The following TTC7B variants were observed in gnomAD, a reference collection of about 807,000 sequenced individuals.
TTC7B encodes tetratricopeptide repeat protein 7B.
TTC7B carries 28 observed loss-of-function variants against 106.8 expected under a neutral mutation model. The ratio of observed to expected loss-of-function variants is 0.26; its 90% CI spans 0.19 to 0.36. The LOEUF (loss-of-function observed/expected upper bound fraction) is 0.36. Among genes scored for constraint, TTC7B ranks in the 10% least tolerant of loss-of-function variants. The pLI, the probability that TTC7B is intolerant of heterozygous loss-of-function variation, is 1.00. For synonymous variants in TTC7B, 405 were observed against 430.6 expected (o/e 0.94, Z 0.74); for missense variants, 862 against 1,076.4 (o/e 0.80, Z 2.79).
intron 5 of TTC7B, among the ~76,000 whole-genome samples, chr14:90,712,600 A>G (rs1396461779): frequency 6.6e-6 from 1 of 152,208 alleles, no homozygotes; most frequent in Non-Finnish European, 1.5e-5. Context: ...ACTACAAAAC[A>G]TTTTTGAGAG....
At chr14:90,778,411 T>C (rs1457967887) in intron 3 of TTC7B, among the ~76,000 whole-genome samples, 3 of 152,142 alleles carry the variant, frequency 2.0e-5, no homozygotes, top group Non-Finnish European at 4.4e-5. Flanking sequence ...CCTGCCTCCA[T>C]TAAACTATCT....
In TTC7B at chr14:90,527,287, T is replaced by G. The variant is rs912344955; in HGVS notation, c.*14081A>C. The G allele has an allele frequency of 6.6e-6, 1 of 152,238 alleles. No homozygotes were observed. The highest frequency in any genetic ancestry group is 1.5e-5 in the Non-Finnish European group (1 of 68,026). 9.4% of individuals were successfully genotyped at this position (152,238 alleles called of 1,614,324 possible). A position where few individuals can be genotyped will look rare whatever the true frequency, so the allele number is the denominator to read the frequency against. ...TGTTACTATTTTTCCTATTTCCACA[T>G]CCTTCTCTCTGAATGCAAGTCACCA... On this transcript the variant is annotated 3_prime_UTR_variant, in exon 20 of 20. Transcript: ENST00000328459.
At chr14:90,723,532 A>C (rs1028693232) in intron 5 of TTC7B, among the ~76,000 whole-genome samples, 1 of 151,848 alleles carries the variant, frequency 6.6e-6, no homozygotes, top group Non-Finnish European at 1.5e-5. Flanking sequence ...ATTCTTGAAC[A>C]CTCCAAGCTC....
At chr14:90,550,043 T>G (rs1018630141) in intron 19 of TTC7B, among the ~76,000 whole-genome samples, 1 of 152,062 alleles carries the variant, frequency 6.6e-6, no homozygotes, top group Non-Finnish European at 1.5e-5. Flanking sequence ...AAGTCACATA[T>G]CCCTGAAAGA....
At chr14:90,548,141 C>T (rs1367355865) in intron 19 of TTC7B, among the ~76,000 whole-genome samples, 1 of 152,258 alleles carries the variant, frequency 6.6e-6, no homozygotes, top group Non-Finnish European at 1.5e-5. Flanking sequence ...GCCGGTAGTG[C>T]TCTCAGCTTC....
chr14:90,602,733 A>C (rs779886672), intron 17 of TTC7B, among the ~76,000 whole-genome samples: 1 of 151,874 alleles, frequency 6.6e-6, no homozygotes, highest in Non-Finnish European at 1.5e-5. Context: ...TCCTACATCC[A>C]GGGAATTAAG....
Position 90,527,087 on chromosome 14 carries a change from G to A in TTC7B, c.*14281C>T, listed in dbSNP as rs1008527540. 3.9e-5 allele frequency: 6 copies of A among 152,038 alleles called. No homozygotes were observed. The highest frequency in any genetic ancestry group is 4.4e-5 in the Non-Finnish European group (3 of 68,024). 9.4% of individuals were successfully genotyped at this position (152,038 alleles called of 1,614,324 possible). A position where few individuals can be genotyped will look rare whatever the true frequency, so the allele number is the denominator to read the frequency against. On this transcript the variant is annotated 3_prime_UTR_variant, in exon 20 of 20. Coordinates refer to ENST00000328459, the MANE Select transcript of TTC7B (RefSeq NM_001010854.2). ...GTTCATCGGTTTGGGTTTGTCTGAT[G>A]TTTTCTCATGATTACACTGGAGTTA... is the stretch of plus-strand genomic sequence containing the variant.
intron 4 of TTC7B, among the ~76,000 whole-genome samples, chr14:90,738,332 G>A (rs565309066): frequency 7.9e-5 from 12 of 152,252 alleles, no homozygotes; most frequent in East Asian, 3.9e-4. Flanking sequence ...AGTAGAGGCC[G>A]GGCACGGTGG....
chr14:90,697,773 G>C (rs148929993), intron 5 of TTC7B: 1 of 152,358 alleles, frequency 6.6e-6, no homozygotes, highest in African/African-American at 2.4e-5. Context: ...CTCTGGTGGA[G>C]GAACGGAGGA....
intron 15 of TTC7B, among the ~76,000 whole-genome samples, chr14:90,619,523 C>T (rs1893223821): frequency 6.6e-6 from 1 of 152,190 alleles, no homozygotes; most frequent in African/African-American, 2.4e-5. Context: ...ATCTTCTCTA[C>T]TCAGTATGTG....
At chr14:90,737,942 C>T (rs1889609212) in intron 4 of TTC7B, among the ~76,000 whole-genome samples, 1 of 152,112 alleles carries the variant, frequency 6.6e-6, no homozygotes, top group Non-Finnish European at 1.5e-5. Context: ...GCTGGGGAGG[C>T]TGGCCATAAA....
chr14:90,733,186 G>C lies in TTC7B; in HGVS notation c.577-2990C>G, dbSNP rs114861539. On this transcript the variant is annotated intron_variant, in intron 4 of 19. Coordinates refer to ENST00000328459, the MANE Select transcript of TTC7B (RefSeq NM_001010854.2). ...CCCACTGTGTCTTAGGCACCATGTGGGTACATCGCTATCTCATGTATTCCT... is the reference window on the plus strand; with the variant it reads ...CCCACTGTGTCTTAGGCACCATGTGCGTACATCGCTATCTCATGTATTCCT... Among the ~76,000 whole-genome samples, 649 of 151,966 alleles carry C rather than the reference G, an allele frequency of 4.3e-3. 10 individuals carry two copies. The highest frequency in any genetic ancestry group is 0.015 in the African/African-American group (607 of 41,422).
chr14:90,795,560 C>T (rs1439438525), intron 1 of TTC7B, among the ~76,000 whole-genome samples: 2 of 152,202 alleles, frequency 1.3e-5, no homozygotes, highest in Non-Finnish European at 2.9e-5. Context: ...GCTTAAATCC[C>T]ACCTCCCTTG....
intron 4 of TTC7B, among the ~76,000 whole-genome samples, chr14:90,741,218 C>T (rs1889749856): frequency 6.6e-6 from 1 of 152,116 alleles, no homozygotes; most frequent in Non-Finnish European, 1.5e-5. Context: ...CTTCAGGAAC[C>T]CAACAACTCA....
intron 5 of TTC7B, among the ~76,000 whole-genome samples, chr14:90,713,838 A>G (rs1357517377): frequency 6.6e-6 from 1 of 152,266 alleles, no homozygotes; most frequent in African/African-American, 2.4e-5. Flanking sequence ...TATCCATACA[A>G]TGTAATAATA....
chr14:90,652,946 T>C (rs746813721), intron 12 of TTC7B, 48 bp from the exon 13 acceptor site: 4 of 1,597,906 alleles, frequency 2.5e-6, no homozygotes, highest in Non-Finnish European at 3.4e-6. Flanking sequence ...TCAGGGAATT[T>C]TGACAAATAC....
rs1317544254 is a variant in TTC7B at position 90,525,046 on chromosome 14, A to G, written c.*16322T>C. 6.6e-6 allele frequency: 1 copy of G among 152,190 alleles called. No homozygotes were observed. The highest frequency in any genetic ancestry group is 6.5e-5 in the Admixed American group (1 of 15,284). The allele number at this position is 152,190 out of a possible 1,614,324, so 9.4% of individuals were successfully genotyped here. ...CACTATTAAGAGAGGGATCATATCC[A>G]TCACCCTCAAAATGTCTTTATCATC... On this transcript the variant is annotated 3_prime_UTR_variant, in exon 20 of 20. Transcript: ENST00000328459.
In TTC7B at chr14:90,536,132, AG is replaced by A. The variant is rs1424035333; in HGVS notation, c.*5235del. On this transcript the variant is annotated 3_prime_UTR_variant, in exon 20 of 20. Coordinates refer to ENST00000328459, the MANE Select transcript of TTC7B (RefSeq NM_001010854.2). ...ACCACCAGGCCCACGGTCAGCTCTC[AG>A]GCCACCCTGACGGGGTCTCCAGGCA... 6.5e-6 allele frequency: 1 copy of A among 154,198 alleles called. No individual in the cohort carries two copies. The highest frequency in any genetic ancestry group is 1.9e-4 in the East Asian group (1 of 5,196). The allele number at this position is 154,198 out of a possible 1,614,324, so 9.6% of individuals were successfully genotyped here.
rs1206724769 is a variant in TTC7B, at chr14:90,534,050, T to A, written c.*7318A>T. 1 of 152,304 alleles carries A rather than the reference T, an allele frequency of 6.6e-6. No individual in the cohort carries two copies. Among genetic ancestry groups the A allele is most frequent in the Non-Finnish European group, 1.5e-5 (1 of 68,114 alleles). 9.4% of individuals were successfully genotyped at this position (152,304 alleles called of 1,614,324 possible). A position where few individuals can be genotyped will look rare whatever the true frequency, so the allele number is the denominator to read the frequency against. On this transcript the variant is annotated 3_prime_UTR_variant, in exon 20 of 20. Transcript: ENST00000328459. The stretch of plus-strand genomic sequence containing the variant: ...AGAGGTGACTGTCCTCATCTGATTC[T>A]GAGTCCAGGGAGGGACAGTGGCACA...
Sources: allele counts gnomAD v4.1 joint callset (sites outside exome capture counted in the v4.1 genomes callset), GRCh38; gene constraint gnomAD v4.1.1; transcripts MANE v1.5; gene names NCBI Gene and HGNC (gene_info 2026-07-23, HGNC 2026-07-21).